Variants in MAF observed in about 807,000 individuals in gnomAD.
MAF encodes the protein transcription factor Maf.
MAF carries 10 observed loss-of-function variants against 22.0 expected under a neutral mutation model. That is an observed-to-expected ratio of 0.45 (90% CI 0.28 to 0.77). The LOEUF (loss-of-function observed/expected upper bound fraction) is 0.77, where lower values mean the gene tolerates loss of function less well. Among genes scored for constraint, MAF ranks in the 30% least tolerant of loss-of-function variants. The probability of loss-of-function intolerance (pLI) is 0.12; values close to 1 mark genes in which losing one functional copy is unlikely to be tolerated. For missense variants in MAF, 544 were observed against 548.4 expected (o/e 0.99, Z 0.08); for synonymous variants, 337 against 255.8 (o/e 1.32, Z -3.03).
chr16:79,382,043 C>T, the MAF span, among the ~76,000 whole-genome samples: 2 of 152,176 alleles, frequency 1.3e-5, no homozygotes, highest in Admixed American at 1.3e-4. Flanking sequence ...CCTGTCTCTT[C>T]CACTTACTTT....
At chr16:79,549,547 C>A in the MAF span, among the ~76,000 whole-genome samples, 1 of 152,216 alleles carries the variant, frequency 6.6e-6, no homozygotes, top group African/African-American at 2.4e-5. Flanking sequence ...CGATTCTCTG[C>A]CTGGCCCTTG....
At chr16:79,228,748 A>G in the MAF span, among the ~76,000 whole-genome samples, 22 of 152,118 alleles carry the variant, frequency 1.4e-4, no homozygotes, top group Admixed American at 9.8e-4. Flanking sequence ...CTGAGTTACA[A>G]GGTAATTTGC....
At chr16:79,373,314 A>T in the MAF span, among the ~76,000 whole-genome samples, 3 of 136,968 alleles carry the variant, frequency 2.2e-5, no homozygotes, top group Admixed American at 2.3e-4. Context: ...AAATGAATTA[A>T]TTCATCTATG....
At chr16:79,504,242 C>A in the MAF span, among the ~76,000 whole-genome samples, 1 of 152,112 alleles carries the variant, frequency 6.6e-6, no homozygotes, top group Non-Finnish European at 1.5e-5. Context: ...AACTAAAATG[C>A]CTAATAGGAG....
Position 79,599,419 on chromosome 16 carries a change from C to T in MAF, c.484G>A (p.Ala162Thr). The T allele has an allele frequency of 1.7e-6, 2 of 1,173,526 alleles. No homozygotes were observed. Among genetic ancestry groups the T allele is most frequent in the Non-Finnish European group, 2.1e-6 (2 of 952,396 alleles). 72.7% of individuals were successfully genotyped at this position (1,173,526 alleles called of 1,614,324 possible). A position where few individuals can be genotyped will look rare whatever the true frequency, so the allele number is the denominator to read the frequency against. The change falls in exon 1 of 2, where the codon GCC (alanine) becomes ACC (threonine). Residue 162 changes from alanine to threonine, a missense_variant. Transcript: ENST00000326043. ...GSGEEMGPAA[A>T]VVSAVIAAAA... is the part of the protein sequence containing the mutation. ...GCGGCGATCACGGCGGACACCACGG[C>T]GGCGGCGGGGCCCATCTCCTCGCCG...
the MAF span, among the ~76,000 whole-genome samples, chr16:79,293,174 G>C: frequency 3.7e-4 from 57 of 152,094 alleles, no homozygotes; most frequent in Non-Finnish European, 6.8e-4. Flanking sequence ...TGAGGTCCAA[G>C]AACCCTCTCT....
chr16:79,448,003 G>A, the MAF span, among the ~76,000 whole-genome samples: 1 of 151,922 alleles, frequency 6.6e-6, no homozygotes, highest in South Asian at 2.1e-4. Flanking sequence ...TGCTGCTTAT[G>A]GAAGAAAAAA....
chr16:79,310,613 C>T, the MAF span, among the ~76,000 whole-genome samples: 3 of 152,292 alleles, frequency 2.0e-5, no homozygotes, highest in East Asian at 1.9e-4. Flanking sequence ...TATCCGCCTC[C>T]GCGACATTTT....
chr16:79,569,323 A>C, the MAF span, among the ~76,000 whole-genome samples: 2 of 152,202 alleles, frequency 1.3e-5, no homozygotes, highest in Non-Finnish European at 2.9e-5. Flanking sequence ...AGACATTGCC[A>C]AATGTCCCTG....
the MAF span, among the ~76,000 whole-genome samples, chr16:79,366,285 CA>C: frequency 6.6e-6 from 1 of 152,052 alleles, no homozygotes; most frequent in Admixed American, 6.6e-5. Context: ...GTCATGGTAC[CA>C]AATATCTGTT....
the MAF span, among the ~76,000 whole-genome samples, chr16:79,448,828 T>A: frequency 6.6e-6 from 1 of 152,052 alleles, no homozygotes; most frequent in African/African-American, 2.4e-5. Flanking sequence ...TTCCCCAAAC[T>A]TTTTGGCACC....
At chr16:79,462,260 T>G in the MAF span, among the ~76,000 whole-genome samples, 3 of 152,218 alleles carry the variant, frequency 2.0e-5, no homozygotes, top group African/African-American at 7.2e-5. Context: ...ACCAGTTCTA[T>G]GAGGGAGGCA....
At chr16:79,217,986 TAAAAAAAAAAAAAAAAA>T in the MAF span, among the ~76,000 whole-genome samples, 46 of 52,126 alleles carry the variant, frequency 8.8e-4, no homozygotes, top group South Asian at 6.0e-3. Flanking sequence ...GAAGCTTATG[TAAAAAAAAAAAAAAAAA>T]AAAAAAAAAA....
the MAF span, among the ~76,000 whole-genome samples, chr16:79,543,574 A>G: frequency 7.9e-5 from 12 of 152,266 alleles, no homozygotes; most frequent in South Asian, 1.0e-3. Flanking sequence ...CTTTGTCTCA[A>G]TGCCCCACGT....
intron 1 of MAF, chr16:79,596,661 G>T (rs1299697924): frequency 9.6e-7 from 1 of 1,036,932 alleles, no homozygotes; most frequent in Non-Finnish European, 1.2e-6. Context: ...TATATTTATT[G>T]TGGTAAGATT....
the MAF span, among the ~76,000 whole-genome samples, chr16:79,577,312 GA>G: frequency 6.6e-6 from 1 of 152,096 alleles, no homozygotes; most frequent in Non-Finnish European, 1.5e-5. Flanking sequence ...GTGCTGAGGT[GA>G]AAAACGGGCT....
At chr16:79,305,114 G>A in the MAF span, among the ~76,000 whole-genome samples, 280 of 152,304 alleles carry the variant, frequency 1.8e-3, 1 homozygote, top group African/African-American at 6.2e-3. Context: ...GTATTAGAAC[G>A]TCCAAAGAAA....
chr16:79,292,910 C>G, the MAF span, among the ~76,000 whole-genome samples: 4 of 152,162 alleles, frequency 2.6e-5, no homozygotes, highest in Admixed American at 2.6e-4. Flanking sequence ...GCCATGGCAA[C>G]ATAAGAAAGT....
At chr16:79,559,100 C>T in the MAF span, among the ~76,000 whole-genome samples, 160 of 152,218 alleles carry the variant, frequency 1.1e-3, no homozygotes, top group African/African-American at 3.8e-3. Context: ...TACAGTACAG[C>T]TTGTTGTACA....
Sources: allele counts gnomAD v4.1 joint callset (sites outside exome capture counted in the v4.1 genomes callset), GRCh38; gene constraint gnomAD v4.1.1; transcripts MANE v1.5; gene names NCBI Gene and HGNC (gene_info 2026-07-23, HGNC 2026-07-21).